Variants in MERTK observed in about 807,000 individuals in gnomAD.
MERTK encodes tyrosine-protein kinase Mer.
In MERTK, 69 loss-of-function variants were observed where a neutral mutation model predicts 99.3. The observed-to-expected ratio is 0.70, with a 90% CI of 0.57 to 0.85. The LOEUF (loss-of-function observed/expected upper bound fraction) is 0.85. MERTK is among the 40% of genes least tolerant of loss of function. MERTK has a pLI of 0.00. For missense variants in MERTK, 1,125 were observed against 1,249.4 expected (o/e 0.90, Z 1.50); for synonymous variants, 426 against 467.6 (o/e 0.91, Z 1.15).
intron 8 of MERTK, among the ~76,000 whole-genome samples, chr2:111,988,824 C>CT (rs1355315751): frequency 6.6e-6 from 1 of 152,168 alleles, no homozygotes; most frequent in African/African-American, 2.4e-5. Flanking sequence ...TGGCGGGCAC[C>CT]TGTAGTCCCA....
At chr2:112,020,737 G>C (rs1222805787) in intron 16 of MERTK, 12 of 468,370 alleles carry the variant, frequency 2.6e-5, no homozygotes, top group South Asian at 1.4e-4. Flanking sequence ...TGGGAGGAAG[G>C]CTGCTGGGGT....
intron 8 of MERTK, among the ~76,000 whole-genome samples, chr2:111,991,510 G>C (rs895106900): frequency 2.6e-5 from 4 of 151,960 alleles, no homozygotes; most frequent in African/African-American, 9.7e-5. Flanking sequence ...ACAGGTGTGA[G>C]CCACCTCGCC....
At chr2:112,008,036 C>T (rs1167105097) in intron 13 of MERTK, among the ~76,000 whole-genome samples, 1 of 151,876 alleles carries the variant, frequency 6.6e-6, no homozygotes, top group Non-Finnish European at 1.5e-5. Context: ...ATTGATGAAC[C>T]CATACTGATA....
At chr2:111,990,831 G>GTAT (rs1445318482) in intron 8 of MERTK, among the ~76,000 whole-genome samples, 2 of 152,178 alleles carry the variant, frequency 1.3e-5, no homozygotes, top group Non-Finnish European at 2.9e-5. Flanking sequence ...TGCTCAAACT[G>GTAT]TATTATAGCC....
chr2:111,940,942 A>G, intron 2 of MERTK: 1 of 664,076 alleles, frequency 1.5e-6, no homozygotes. Flanking sequence ...CTGGTCTTCA[A>G]GCCAAACAGT....
chr2:111,981,471 G>A (rs1290248409), intron 7 of MERTK, among the ~76,000 whole-genome samples: 1 of 152,044 alleles, frequency 6.6e-6, no homozygotes, highest in Non-Finnish European at 1.5e-5. Flanking sequence ...CTGAAGTGCA[G>A]TGGCATGATC....
At position 111,994,368 on chromosome 2, in the gene MERTK, T is replaced by C; in HGVS notation, c.1414T>C (p.Phe472Leu). The change falls in exon 9 of 19, where the codon TTC (phenylalanine) becomes CTC (leucine). Residue 472 changes from phenylalanine (F) to leucine (L), a missense_variant. Transcript: ENST00000295408. Reference protein sequence around the residue: ...AAVTRGGVGPFSDPVKIFIPA... With the variant: ...AAVTRGGVGPLSDPVKIFIPA... ...CGTCACCAGAGGGGGAGTTGGGCCC[T>C]TCAGTGATCCAGTGAAAATATTTAT... is the stretch of plus-strand genomic sequence containing the variant. The C allele has an allele frequency of 6.2e-7, 1 of 1,614,156 alleles. No individual in the cohort carries two copies. Among genetic ancestry groups the C allele is most frequent in the Non-Finnish European group, 8.5e-7 (1 of 1,180,036 alleles).
intron 8 of MERTK, among the ~76,000 whole-genome samples, chr2:111,993,141 G>A (rs1279919630): frequency 4.3e-5 from 1 of 23,092 alleles, no homozygotes; most frequent in East Asian, 3.5e-4. Flanking sequence ...GACTATTGTG[G>A]TGTGGGAGCA....
chr2:112,021,603 A>AG, intron 17 of MERTK, 22 bp downstream of exon 17: 1 of 1,597,274 alleles, frequency 6.3e-7, no homozygotes, highest in Non-Finnish European at 8.6e-7. Context: ...GCTTTGATTC[A>AG]GGGGTCCCAC....
At chr2:111,922,158 G>A (rs1045403249) in intron 1 of MERTK, among the ~76,000 whole-genome samples, 4 of 152,226 alleles carry the variant, frequency 2.6e-5, no homozygotes, top group African/African-American at 9.6e-5. Flanking sequence ...CCACAGGGCT[G>A]CCACCTGCCC....
intron 1 of MERTK, among the ~76,000 whole-genome samples, chr2:111,921,888 C>T (rs1684466410): frequency 1.3e-5 from 2 of 152,146 alleles, no homozygotes; most frequent in Admixed American, 6.5e-5. Flanking sequence ...GCCTGGGCCT[C>T]TTGAGTTTGA....
intron 2 of MERTK, among the ~76,000 whole-genome samples, chr2:111,931,352 A>G (rs543468424): frequency 6.6e-6 from 1 of 152,194 alleles, no homozygotes; most frequent in Non-Finnish European, 1.5e-5. Flanking sequence ...ATTTGACTAT[A>G]TTTTTTCTGC....
At chr2:111,924,970 A>T (rs1375937178) in intron 1 of MERTK, among the ~76,000 whole-genome samples, 1 of 152,026 alleles carries the variant, frequency 6.6e-6, no homozygotes, top group Non-Finnish European at 1.5e-5. Flanking sequence ...AAAGAACTGG[A>T]TGAGTAATCG....
intron 1 of MERTK, among the ~76,000 whole-genome samples, chr2:111,916,952 G>A (rs994248011): frequency 2.0e-5 from 3 of 152,106 alleles, no homozygotes; most frequent in Admixed American, 6.5e-5. Flanking sequence ...GCTGGTCAGA[G>A]GTCAGGTGGC....
intron 1 of MERTK, among the ~76,000 whole-genome samples, chr2:111,902,104 C>T (rs377009713): frequency 2.0e-5 from 3 of 152,166 alleles, no homozygotes; most frequent in South Asian, 2.1e-4. Context: ...AGGTTGGTCT[C>T]GAACTCCCAA....
At chr2:112,013,872 G>T (rs572600016) in intron 15 of MERTK, among the ~76,000 whole-genome samples, 2 of 150,880 alleles carry the variant, frequency 1.3e-5, no homozygotes, top group African/African-American at 4.9e-5. Flanking sequence ...TGGTGGCGGG[G>T]GGATGGAATT....
chr2:112,019,017 C>A, intron 15 of MERTK, among the ~76,000 whole-genome samples: 1 of 32,494 alleles, frequency 3.1e-5, no homozygotes, highest in East Asian at 3.5e-4. Context: ...AGACCCCTGA[C>A]ACACACACAC....
intron 8 of MERTK, among the ~76,000 whole-genome samples, chr2:111,989,234 G>A (rs1408475100): frequency 6.6e-6 from 1 of 152,122 alleles, no homozygotes; most frequent in Non-Finnish European, 1.5e-5. Context: ...GTTGATGCCT[G>A]TGAATTTGAA....
chr2:111,975,174 G>A (rs1676219755), intron 6 of MERTK, 115 bp from the exon 7 acceptor site: 3 of 976,518 alleles, frequency 3.1e-6, no homozygotes, highest in Middle Eastern at 2.1e-4. Context: ...AAAGGAAGCA[G>A]GTCCTTCCCC....
Sources: allele counts gnomAD v4.1 joint callset (sites outside exome capture counted in the v4.1 genomes callset), GRCh38; gene constraint gnomAD v4.1.1; transcripts MANE v1.5; gene names NCBI Gene and HGNC (gene_info 2026-07-23, HGNC 2026-07-21).